SAMD5: variants seen among roughly 807,000 people sequenced by gnomAD.
The protein encoded by SAMD5 is sterile alpha motif domain containing 5.
Under a neutral mutation model 11.3 loss-of-function variants are expected in SAMD5, and 13 were observed. The ratio of observed to expected loss-of-function variants is 1.15; its 90% CI spans 0.75 to 1.83. The LOEUF (loss-of-function observed/expected upper bound fraction) is 1.83, where lower values mean the gene tolerates loss of function less well. Among genes scored for constraint, SAMD5 ranks in the 40% most tolerant of loss-of-function variants. The pLI is 0.00. For synonymous variants in SAMD5, 129 were observed against 111.3 expected, an observed-to-expected ratio of 1.16 and a Z score of -1.00; for missense variants, 255 against 239.1, an observed-to-expected ratio of 1.07 and a Z score of -0.44.
chr6:147,946,611 T>A, the SAMD5 span, among the ~76,000 whole-genome samples: 1 of 152,220 alleles, frequency 6.6e-6, no homozygotes, highest in Non-Finnish European at 1.5e-5. Context: ...ATACTGCAAT[T>A]ATAAGTAATT....
the SAMD5 span, among the ~76,000 whole-genome samples, chr6:147,791,128 C>G: frequency 1.5e-4 from 23 of 151,798 alleles, no homozygotes; most frequent in Non-Finnish European, 2.8e-4. Context: ...AACCTCACCT[C>G]TACTAAAAAT....
chr6:147,623,545 T>C (rs552021980), intron 1 of SAMD5, among the ~76,000 whole-genome samples: 25 of 152,208 alleles, frequency 1.6e-4, no homozygotes, highest in Non-Finnish European at 3.2e-4. Context: ...TCTGATATTA[T>C]CTTTGCCATT....
intron 1 of SAMD5, among the ~76,000 whole-genome samples, chr6:147,600,459 G>A (rs1352519399): frequency 6.6e-6 from 1 of 152,194 alleles, no homozygotes; most frequent in Non-Finnish European, 1.5e-5. Context: ...ACAACACTGA[G>A]CAATGACCAG....
the SAMD5 span, among the ~76,000 whole-genome samples, chr6:147,908,279 T>C: frequency 6.6e-6 from 1 of 152,182 alleles, no homozygotes; most frequent in Non-Finnish European, 1.5e-5. Flanking sequence ...TGTCCTAGGG[T>C]GGGCTCCGTG....
At chr6:147,846,692 C>T in the SAMD5 span, among the ~76,000 whole-genome samples, 10 of 152,250 alleles carry the variant, frequency 6.6e-5, no homozygotes, top group South Asian at 6.2e-4. Flanking sequence ...TGGTGGCACA[C>T]GCCTGTTATC....
the SAMD5 span, among the ~76,000 whole-genome samples, chr6:147,761,410 A>C: frequency 6.6e-6 from 1 of 152,196 alleles, no homozygotes; most frequent in East Asian, 1.9e-4. Flanking sequence ...GAGAAATTTA[A>C]ATAAAAGAGA....
chr6:147,687,083 C>T (rs1791022502), intron 1 of SAMD5, among the ~76,000 whole-genome samples: 2 of 152,032 alleles, frequency 1.3e-5, no homozygotes, highest in Non-Finnish European at 2.9e-5. Context: ...AATTCTGGGA[C>T]AAATGACATC....
chr6:147,758,623 A>G, the SAMD5 span, among the ~76,000 whole-genome samples: 3 of 152,170 alleles, frequency 2.0e-5, no homozygotes, highest in Non-Finnish European at 2.9e-5. Flanking sequence ...TCTTTAACCA[A>G]TTCTCTACCC....
At chr6:147,661,740 C>G (rs981737205) in intron 1 of SAMD5, among the ~76,000 whole-genome samples, 1 of 152,162 alleles carries the variant, frequency 6.6e-6, no homozygotes, top group African/African-American at 2.4e-5. Context: ...AGCGATTCTC[C>G]TGCCTCAGCC....
At chr6:147,791,526 C>A in the SAMD5 span, among the ~76,000 whole-genome samples, 3 of 152,250 alleles carry the variant, frequency 2.0e-5, no homozygotes, top group East Asian at 5.8e-4. Flanking sequence ...CTTGTCTACT[C>A]ATAACTGTTA....
At chr6:147,749,693 C>T in the SAMD5 span, among the ~76,000 whole-genome samples, 1 of 152,072 alleles carries the variant, frequency 6.6e-6, no homozygotes, top group Non-Finnish European at 1.5e-5. Context: ...GAGTTGTATT[C>T]AGAGGATATA....
the SAMD5 span, among the ~76,000 whole-genome samples, chr6:147,907,732 G>A: frequency 6.6e-6 from 1 of 152,088 alleles, no homozygotes; most frequent in Non-Finnish European, 1.5e-5. Flanking sequence ...CTTTGACTAA[G>A]GCCTTTGTTT....
the SAMD5 span, among the ~76,000 whole-genome samples, chr6:147,849,379 G>T: frequency 6.6e-6 from 1 of 151,672 alleles, no homozygotes; most frequent in Non-Finnish European, 1.5e-5. Flanking sequence ...AATTTCCTCT[G>T]GTTGTTTCAG....
At chr6:147,598,387 A>C (rs375465997) in intron 1 of SAMD5, among the ~76,000 whole-genome samples, 3 of 152,228 alleles carry the variant, frequency 2.0e-5, no homozygotes, top group African/African-American at 7.2e-5. Context: ...CCCTCTCAAA[A>C]TGTTGGGATT....
chr6:147,819,637 T>C, the SAMD5 span, among the ~76,000 whole-genome samples: 1 of 152,066 alleles, frequency 6.6e-6, no homozygotes, highest in Non-Finnish European at 1.5e-5. Flanking sequence ...CTCTTAGCAG[T>C]AGAAAAAGAC....
Position 147,643,744 on chromosome 6 carries a change from AGAAGGAAGGAAGGAAG to A in SAMD5, c.163-93537_163-93522del, listed in dbSNP as rs6149848. Among the ~76,000 whole-genome samples, 34 of 116,072 alleles carry A rather than the reference AGAAGGAAGGAAGGAAG, an allele frequency of 2.9e-4. 1 individual carries two copies. Among genetic ancestry groups the A allele is most frequent in the East Asian group, 2.5e-3 (10 of 4,034 alleles). 76.1% of individuals were successfully genotyped at this position (116,072 alleles called of 152,430 possible). A position where few individuals can be genotyped will look rare whatever the true frequency, so the allele number is the denominator to read the frequency against. On this transcript the variant is annotated intron_variant, in intron 1 of 1. Coordinates refer to the SAMD5 transcript ENST00000566741. ...GAGGGAAAGAGAAAGAGGGAAGGAA[AGAAGGAAGGAAGGAAG>A]GAAGGAAGGAAGGAAGGAAGGAAGG...
intron 1 of SAMD5, among the ~76,000 whole-genome samples, chr6:147,727,160 C>T (rs1197782365): frequency 1.3e-5 from 2 of 152,192 alleles, no homozygotes; most frequent in African/African-American, 2.4e-5. Flanking sequence ...CTTGCCCTTA[C>T]ACATACTGTG....
At chr6:147,559,141 A>G (rs1788907009) in intron 1 of SAMD5, among the ~76,000 whole-genome samples, 2 of 152,206 alleles carry the variant, frequency 1.3e-5, no homozygotes, top group Admixed American at 6.5e-5. Flanking sequence ...TCCAGGCGGT[A>G]AGGCGGCACT....
At chr6:147,748,257 G>T in the SAMD5 span, among the ~76,000 whole-genome samples, 128 of 152,308 alleles carry the variant, frequency 8.4e-4, no homozygotes, top group African/African-American at 3.0e-3. Context: ...GTATGTGTGT[G>T]GTGGAAGGGA....
Sources: allele counts gnomAD v4.1 joint callset (sites outside exome capture counted in the v4.1 genomes callset), GRCh38; gene constraint gnomAD v4.1.1; transcripts MANE v1.5; gene names NCBI Gene and HGNC (gene_info 2026-07-23, HGNC 2026-07-21).